Variants in PEX5L observed in about 807,000 individuals in gnomAD.
PEX5L encodes PEX5-related protein.
In PEX5L, 30 loss-of-function variants were observed where a neutral mutation model predicts 84.0. The observed-to-expected ratio is 0.36, with a 90% CI of 0.27 to 0.48. PEX5L has a LOEUF of 0.48. PEX5L is among the 20% of genes least tolerant of loss of function. The pLI, the probability that PEX5L is intolerant of heterozygous loss-of-function variation, is 0.99. For missense variants in PEX5L, 533 were observed against 754.6 expected (o/e 0.71, Z 3.44); for synonymous variants, 270 against 283.1 (o/e 0.95, Z 0.46).
intron 1 of PEX5L, among the ~76,000 whole-genome samples, chr3:179,972,452 T>A (rs780377839): frequency 2.8e-4 from 43 of 152,124 alleles, no homozygotes; most frequent in African/African-American, 1.0e-3. Flanking sequence ...TGAGCCTTTT[T>A]TTCTCCCAAC....
chr3:179,955,724 A>G (rs1450326750), intron 2 of PEX5L, among the ~76,000 whole-genome samples: 1 of 152,028 alleles, frequency 6.6e-6, no homozygotes, highest in African/African-American at 2.4e-5. Flanking sequence ...ACGTATTATA[A>G]TATAATCTTT....
At chr3:179,812,015 A>G in intron 10 of PEX5L, 144 bp from the exon 11 acceptor site, 2 of 650,560 alleles carry the variant, frequency 3.1e-6, no homozygotes. Context: ...AAAATATTGT[A>G]TGCATTTCTT....
chr3:179,977,398 T>A (rs1785909186), intron 1 of PEX5L, among the ~76,000 whole-genome samples: 1 of 152,202 alleles, frequency 6.6e-6, no homozygotes, highest in East Asian at 1.9e-4. Context: ...GTGAACTGAA[T>A]GCTTTGTTTA....
chr3:180,010,093 G>A (rs1330555227), intron 1 of PEX5L, among the ~76,000 whole-genome samples: 3 of 151,678 alleles, frequency 2.0e-5, no homozygotes, highest in South Asian at 2.1e-4. Flanking sequence ...ACAGGCGCCC[G>A]CCACCACGTC....
intron 7 of PEX5L, among the ~76,000 whole-genome samples, chr3:179,868,141 A>G (rs1749040733): frequency 6.6e-6 from 1 of 150,574 alleles, no homozygotes; most frequent in Admixed American, 6.6e-5. Context: ...TGGTCTCCCA[A>G]AGTGCTAGGA....
intron 2 of PEX5L, among the ~76,000 whole-genome samples, chr3:179,961,613 C>G (rs1230327225): frequency 1.3e-5 from 2 of 152,178 alleles, no homozygotes; most frequent in Non-Finnish European, 2.9e-5. Flanking sequence ...ACTCTGTAAA[C>G]TCTCCCTGTT....
chr3:179,897,220 G>T (rs190031887), intron 3 of PEX5L, among the ~76,000 whole-genome samples: 1 of 151,966 alleles, frequency 6.6e-6, no homozygotes, highest in African/African-American at 2.4e-5. Context: ...GACATTTTTC[G>T]AATTCTAGGC....
At chr3:179,913,635 T>G (rs1005872147) in intron 2 of PEX5L, among the ~76,000 whole-genome samples, 8 of 152,178 alleles carry the variant, frequency 5.3e-5, no homozygotes, top group African/African-American at 9.6e-5. Context: ...GTTGCTTATT[T>G]TCTTAGAGAA....
At chr3:179,967,478 T>C (rs1430026994) in intron 2 of PEX5L, among the ~76,000 whole-genome samples, 3 of 152,182 alleles carry the variant, frequency 2.0e-5, no homozygotes, top group Non-Finnish European at 2.9e-5. Flanking sequence ...AAAAGCACAG[T>C]ATCATTTTAC....
chr3:179,916,544 T>C (rs1452757430), intron 2 of PEX5L, among the ~76,000 whole-genome samples: 10 of 152,248 alleles, frequency 6.6e-5, no homozygotes, highest in Admixed American at 6.5e-4. Context: ...TGTATACTAC[T>C]GTAGACTTTA....
intron 8 of PEX5L, among the ~76,000 whole-genome samples, chr3:179,845,534 A>G (rs1417531561): frequency 6.6e-6 from 1 of 152,224 alleles, no homozygotes; most frequent in African/African-American, 2.4e-5. Flanking sequence ...ATTAAAACAG[A>G]TTAATAAGAA....
chr3:179,897,368 C>T (rs949956824), intron 3 of PEX5L, among the ~76,000 whole-genome samples: 1 of 151,990 alleles, frequency 6.6e-6, no homozygotes, highest in Non-Finnish European at 1.5e-5. Context: ...CTGGTAGTTC[C>T]ACAGAGTGGT....
chr3:179,853,423 C>G (rs750504407), intron 8 of PEX5L, among the ~76,000 whole-genome samples: 4 of 152,204 alleles, frequency 2.6e-5, no homozygotes, highest in Non-Finnish European at 5.9e-5. Context: ...AGTGTGCTGA[C>G]TTCTTACATG....
intron 8 of PEX5L, among the ~76,000 whole-genome samples, chr3:179,831,062 A>T (rs935925573): frequency 1.1e-4 from 16 of 152,198 alleles, no homozygotes; most frequent in African/African-American, 3.9e-4. Context: ...TCACGCCTGT[A>T]ATCCCATCAC....
intron 7 of PEX5L, among the ~76,000 whole-genome samples, chr3:179,862,098 C>T (rs546203229): frequency 9.2e-5 from 14 of 152,192 alleles, no homozygotes; most frequent in Non-Finnish European, 1.8e-4. Flanking sequence ...GGAGAATCTG[C>T]ACCACGCCTC....
chr3:179,961,821 T>C (rs375561016), intron 2 of PEX5L, among the ~76,000 whole-genome samples: 11 of 152,266 alleles, frequency 7.2e-5, no homozygotes, highest in Admixed American at 3.3e-4. Flanking sequence ...CATGGTTCAT[T>C]AGACAAAAGC....
chr3:179,926,702 TG>T (rs1347942516), intron 2 of PEX5L, among the ~76,000 whole-genome samples: 1 of 152,264 alleles, frequency 6.6e-6, no homozygotes, highest in African/African-American at 2.4e-5. Flanking sequence ...CAGGAAACCC[TG>T]GGCTTTCTCC....
At position 179,898,356 on chromosome 3, in the gene PEX5L, G is replaced by A. The variant is rs531033435; in HGVS notation, c.94-110C>T. 1.1e-5 allele frequency: 7 copies of A among 665,372 alleles called. 1 individual carries two copies. The South Asian group carries it at 1.9e-4, about 18-fold the overall frequency. 41.2% of individuals were successfully genotyped at this position (665,372 alleles called of 1,614,324 possible). On this transcript the variant is annotated intron_variant, in intron 2 of 14. Coordinates refer to ENST00000467460, the MANE Select transcript of PEX5L (RefSeq NM_016559.3). Reference sequence around the variant, plus strand: ...CAATCCAACATAAATGAAGAGGTAGGCTGCTGCAAGTGAATCTTGAGGCTT... The same window carrying A: ...CAATCCAACATAAATGAAGAGGTAGACTGCTGCAAGTGAATCTTGAGGCTT...
In PEX5L at chr3:179,801,477, C is replaced by CGAACT. The variant is rs879676620; in HGVS notation, c.*350_*351insAGTTC. On this transcript the variant is annotated 3_prime_UTR_variant, in exon 15 of 15. Transcript: ENST00000467460. Reference sequence around the variant, plus strand: ...TTTCCATGTTTCCCATGAACAAGTTCCTCAGATGTGTCATCAGCTGCAAGG... The same window carrying CGAACT: ...TTTCCATGTTTCCCATGAACAAGTTCGAACTCTCAGATGTGTCATCAGCTGCAAGG... The CGAACT allele has an allele frequency of 8.6e-5, 19 of 221,608 alleles. No homozygotes were observed. The highest frequency in any genetic ancestry group is 1.3e-4 in the Non-Finnish European group (14 of 109,756). The allele number at this position is 221,608 out of a possible 1,614,324, so 13.7% of individuals were successfully genotyped here.
Sources: gnomAD v4.1 joint callset for allele counts (sites outside exome capture counted in the v4.1 genomes callset) on GRCh38, gnomAD v4.1.1 for gene constraint, MANE v1.5 for transcripts, NCBI Gene and HGNC (gene_info 2026-07-23, HGNC 2026-07-21) for gene names.